LHFPL3: variants seen among roughly 807,000 people sequenced by gnomAD.
LHFPL3 encodes LHFPL tetraspan subfamily member 3.
A neutral mutation model predicts 19.3 loss-of-function variants in LHFPL3; 5 were observed. The ratio of observed to expected loss-of-function variants is 0.26; its 90% CI spans 0.14 to 0.54. The LOEUF (loss-of-function observed/expected upper bound fraction) is 0.54, where lower values mean the gene tolerates loss of function less well. LHFPL3 is among the 20% of genes least tolerant of loss of function. The pLI, the probability that LHFPL3 is intolerant of heterozygous loss-of-function variation, is 0.94. For synonymous variants in LHFPL3, 133 were observed against 126.2 expected (o/e 1.05, Z -0.36); for missense variants, 249 against 307.4 (o/e 0.81, Z 1.42).
intron 1 of LHFPL3, among the ~76,000 whole-genome samples, chr7:104,508,684 T>C (rs576095081): frequency 2.5e-4 from 38 of 151,150 alleles, no homozygotes; most frequent in South Asian, 1.7e-3. Context: ...CTCAAATCAA[T>C]AAATCTAAGC....
chr7:104,718,253 T>C (rs1793427772), intron 1 of LHFPL3, among the ~76,000 whole-genome samples: 1 of 152,188 alleles, frequency 6.6e-6, no homozygotes, highest in South Asian at 2.1e-4. Flanking sequence ...TAATACTATA[T>C]TGTGTGCTTG....
At chr7:104,418,912 T>C (rs1791676273) in intron 1 of LHFPL3, among the ~76,000 whole-genome samples, 2 of 152,382 alleles carry the variant, frequency 1.3e-5, no homozygotes, top group South Asian at 4.1e-4. Flanking sequence ...ACATGTGTTA[T>C]CTAAATGCGA....
chr7:104,435,068 T>C (rs1243852607), intron 1 of LHFPL3, among the ~76,000 whole-genome samples: 1 of 152,158 alleles, frequency 6.6e-6, no homozygotes. Flanking sequence ...ACAATGACAT[T>C]AAATTTAAGG....
intron 1 of LHFPL3, among the ~76,000 whole-genome samples, chr7:104,554,688 T>TAGACAGAC (rs376205691): frequency 2.5e-5 from 3 of 121,022 alleles, no homozygotes; most frequent in South Asian, 2.5e-4. Flanking sequence ...GATAGATAGA[T>TAGACAGAC]AGACAGACAG....
At chr7:104,804,314 T>C (rs958835427) in intron 2 of LHFPL3, among the ~76,000 whole-genome samples, 1 of 152,180 alleles carries the variant, frequency 6.6e-6, no homozygotes, top group African/African-American at 2.4e-5. Context: ...GAGGGGGCTA[T>C]TCGTCAAAGG....
chr7:104,907,772 C>A lies in LHFPL3; in HGVS notation c.*1557C>A, dbSNP rs769741679. Among the ~76,000 whole-genome samples the A allele has an allele frequency of 5.3e-5, 8 of 152,186 alleles. No individual in the cohort carries two copies. Among genetic ancestry groups the A allele is most frequent in the Non-Finnish European group, 8.8e-5 (6 of 68,026 alleles). On this transcript the variant is annotated 3_prime_UTR_variant, in exon 3 of 3. Coordinates refer to ENST00000424859, the MANE Select transcript of LHFPL3 (RefSeq NM_199000.3). ...TACAGATCAGGGTTCACTTCTCTTACCCTCTCTCTGTTAGGACCACATTCC... is the reference window on the plus strand; with the variant it reads ...TACAGATCAGGGTTCACTTCTCTTAACCTCTCTCTGTTAGGACCACATTCC...
intron 2 of LHFPL3, among the ~76,000 whole-genome samples, chr7:104,824,555 T>C (rs1404447308): frequency 1.3e-5 from 1 of 75,660 alleles, no homozygotes; most frequent in African/African-American, 5.6e-5. Context: ...ATATATAATA[T>C]ATAATTATAT....
At chr7:104,703,505 G>C (rs1022114134) in intron 1 of LHFPL3, among the ~76,000 whole-genome samples, 1 of 152,126 alleles carries the variant, frequency 6.6e-6, no homozygotes, top group Admixed American at 6.5e-5. Flanking sequence ...TTTGTCAGTA[G>C]CTAAGCTGCT....
At chr7:104,512,608 A>G (rs938945706) in intron 1 of LHFPL3, among the ~76,000 whole-genome samples, 5 of 152,076 alleles carry the variant, frequency 3.3e-5, no homozygotes, top group Admixed American at 2.6e-4. Flanking sequence ...TGGTGACAGA[A>G]GCTTATAATC....
intron 1 of LHFPL3, among the ~76,000 whole-genome samples, chr7:104,558,268 T>G (rs1320925553): frequency 4.0e-5 from 6 of 150,082 alleles, no homozygotes; most frequent in African/African-American, 7.4e-5. Flanking sequence ...ACTTCCACAA[T>G]GGTTGAACTA....
chr7:104,817,109 CTA>C (rs2116514307), intron 2 of LHFPL3, among the ~76,000 whole-genome samples: 1 of 150,580 alleles, frequency 6.6e-6, no homozygotes, highest in Admixed American at 6.6e-5. Context: ...CTGCCTCTGC[CTA>C]TCTACACACT....
intron 1 of LHFPL3, among the ~76,000 whole-genome samples, chr7:104,487,252 T>A (rs1037849415): frequency 6.6e-6 from 1 of 152,212 alleles, no homozygotes; most frequent in Non-Finnish European, 1.5e-5. Flanking sequence ...ATCACCAAAC[T>A]TCTAAAGACC....
chr7:104,524,447 G>A (rs568799263), intron 1 of LHFPL3, among the ~76,000 whole-genome samples: 65 of 152,248 alleles, frequency 4.3e-4, no homozygotes, highest in Non-Finnish European at 7.6e-4. Context: ...GGACCGGCTG[G>A]TACTAACATC....
intron 1 of LHFPL3, among the ~76,000 whole-genome samples, chr7:104,604,674 A>C (rs1220491342): frequency 6.6e-6 from 1 of 152,224 alleles, no homozygotes; most frequent in African/African-American, 2.4e-5. Context: ...AATCTACCCA[A>C]GTTGGCAGGA....
At chr7:104,426,844 AT>A (rs1329297548) in intron 1 of LHFPL3, among the ~76,000 whole-genome samples, 1 of 152,172 alleles carries the variant, frequency 6.6e-6, no homozygotes, top group African/African-American at 2.4e-5. Flanking sequence ...CTGCTTTATA[AT>A]TGTCAACTGT....
At chr7:104,711,679 G>A (rs1793302233) in intron 1 of LHFPL3, among the ~76,000 whole-genome samples, 1 of 152,100 alleles carries the variant, frequency 6.6e-6, no homozygotes, top group African/African-American at 2.4e-5. Context: ...CCAACAAGCA[G>A]GTTAGAAATA....
intron 2 of LHFPL3, among the ~76,000 whole-genome samples, chr7:104,740,148 T>C (rs915074279): frequency 9.2e-5 from 14 of 152,114 alleles, no homozygotes; most frequent in Non-Finnish European, 1.9e-4. Context: ...TGTATTTGCT[T>C]CCCCTTCCAC....
intron 1 of LHFPL3, among the ~76,000 whole-genome samples, chr7:104,421,877 G>A (rs34435252): frequency 0.11 from 16,205 of 152,120 alleles, 1,017 homozygotes; most frequent in East Asian, 0.26. Flanking sequence ...TGATGAGATC[G>A]TGAAGGTGGA....
intron 1 of LHFPL3, among the ~76,000 whole-genome samples, chr7:104,454,791 T>G (rs1313734328): frequency 6.6e-6 from 1 of 152,220 alleles, no homozygotes; most frequent in Non-Finnish European, 1.5e-5. Flanking sequence ...ACTGCTTTAA[T>G]TAAAAGACAG....
Sources: gnomAD v4.1 joint callset for allele counts (sites outside exome capture counted in the v4.1 genomes callset) on GRCh38, gnomAD v4.1.1 for gene constraint, MANE v1.5 for transcripts, NCBI Gene and HGNC (gene_info 2026-07-23, HGNC 2026-07-21) for gene names.